The following WARS2 variants were observed in gnomAD, a reference collection of about 807,000 sequenced individuals.
WARS2 encodes tryptophan--tRNA ligase, mitochondrial.
In WARS2, 28 loss-of-function variants were observed where a neutral mutation model predicts 36.5. The observed-to-expected ratio is 0.77, with a 90% confidence interval of 0.57 to 1.05. The LOEUF is 1.05. Among genes scored for constraint, WARS2 ranks in the 50% least tolerant of loss-of-function variants. The pLI, the probability that WARS2 is intolerant of heterozygous loss-of-function variation, is 0.00. For missense variants in WARS2, 435 were observed against 456.8 expected, an observed-to-expected ratio of 0.95 and a Z score of 0.44; for synonymous variants, 174 against 178.4, an observed-to-expected ratio of 0.98 and a Z score of 0.20.
At chr1:119,114,061 C>T (rs1021867179) in intron 1 of WARS2, among the ~76,000 whole-genome samples, 3 of 152,092 alleles carry the variant, frequency 2.0e-5, no homozygotes, top group African/African-American at 7.2e-5. Context: ...TCAAAACAAA[C>T]CTATAACATA....
intron 2 of WARS2, among the ~76,000 whole-genome samples, chr1:119,047,070 G>T (rs1283406670): frequency 1.3e-5 from 2 of 152,124 alleles, no homozygotes; most frequent in Non-Finnish European, 2.9e-5. Flanking sequence ...CTTCCAAGAG[G>T]CATTTGGGTT....
intron 2 of WARS2, among the ~76,000 whole-genome samples, chr1:119,051,758 T>G (rs1649373361): frequency 7.2e-6 from 1 of 138,558 alleles, no homozygotes; most frequent in African/African-American, 2.8e-5. Flanking sequence ...GGTATCTCGC[T>G]GTAATTTTTT....
intron 1 of WARS2, among the ~76,000 whole-genome samples, chr1:119,078,405 G>C (rs1331125023): frequency 1.3e-5 from 2 of 152,046 alleles, no homozygotes; most frequent in Non-Finnish European, 2.9e-5. Context: ...ATCTTCAATT[G>C]TAGTACTTCA....
chr1:119,056,555 T>C (rs1649831895), intron 2 of WARS2, among the ~76,000 whole-genome samples: 1 of 148,138 alleles, frequency 6.8e-6, no homozygotes, highest in Non-Finnish European at 1.5e-5. Context: ...ATATACTAAA[T>C]ATATATATTA....
chr1:119,038,933 C>T (rs764781049), intron 4 of WARS2, among the ~76,000 whole-genome samples: 2 of 152,164 alleles, frequency 1.3e-5, no homozygotes, highest in Non-Finnish European at 2.9e-5. Flanking sequence ...CTGCCTGCCT[C>T]GGCCTCCCAA....
At chr1:119,120,274 C>A (rs781340163) in intron 1 of WARS2, among the ~76,000 whole-genome samples, 83 of 151,924 alleles carry the variant, frequency 5.5e-4, no homozygotes, top group Non-Finnish European at 8.4e-4. Flanking sequence ...ACTATGAACA[C>A]CTTTATGTGC....
chr1:119,042,237 T>G (rs370215087), intron 4 of WARS2, 27 bp downstream of exon 4: 273 of 1,609,172 alleles, frequency 1.7e-4, no homozygotes, highest in Admixed American at 3.3e-4. Flanking sequence ...TGAGTATGTA[T>G]AAGACTGGGC....
intron 1 of WARS2, among the ~76,000 whole-genome samples, chr1:119,103,931 TTC>T (rs1216549834): frequency 1.3e-5 from 2 of 150,634 alleles, no homozygotes; most frequent in Non-Finnish European, 3.0e-5. Flanking sequence ...ATATATTTTT[TTC>T]TTTTAATTAA....
intron 1 of WARS2, among the ~76,000 whole-genome samples, chr1:119,120,578 C>T (rs1224495090): frequency 6.6e-6 from 1 of 151,910 alleles, no homozygotes. Flanking sequence ...ATACCAAAAC[C>T]AGGAAAGGAC....
chr1:119,082,212 G>T, intron 1 of WARS2: 5 of 952,438 alleles, frequency 5.2e-6, no homozygotes, highest in Non-Finnish European at 6.2e-6. Flanking sequence ...AATATGTATT[G>T]TTAGTTCAGT....
chr1:119,056,068 G>A (rs1187739886), intron 2 of WARS2, among the ~76,000 whole-genome samples: 1 of 149,828 alleles, frequency 6.7e-6, no homozygotes, highest in Non-Finnish European at 1.5e-5. Context: ...GTCCAGGCTG[G>A]AGTGCAGTGG....
At chr1:119,118,046 A>C (rs1443863699) in intron 1 of WARS2, among the ~76,000 whole-genome samples, 2 of 152,208 alleles carry the variant, frequency 1.3e-5, no homozygotes, top group Non-Finnish European at 2.9e-5. Context: ...AAAAGATCAC[A>C]GTAGCTCTTC....
At chr1:119,130,090 T>G (rs1435364140) in intron 1 of WARS2, among the ~76,000 whole-genome samples, 1 of 151,784 alleles carries the variant, frequency 6.6e-6, no homozygotes, top group Non-Finnish European at 1.5e-5. Context: ...AGAGCAAAAG[T>G]GCTAGGCATG....
chr1:119,087,026 A>T (rs1056241784), intron 1 of WARS2, among the ~76,000 whole-genome samples: 5 of 152,028 alleles, frequency 3.3e-5, no homozygotes, highest in African/African-American at 1.2e-4. Flanking sequence ...TCTTCCTCCT[A>T]CCAAACACAC....
chr1:119,132,735 CTTTG>C (rs1012849478), intron 1 of WARS2, among the ~76,000 whole-genome samples: 6 of 152,110 alleles, frequency 3.9e-5, no homozygotes, highest in African/African-American at 1.4e-4. Context: ...ATGAGAAGCC[CTTTG>C]TTTGATGTAT....
At chr1:119,034,870 G>A (rs151265986) in intron 4 of WARS2, among the ~76,000 whole-genome samples, 16 of 152,162 alleles carry the variant, frequency 1.1e-4, no homozygotes, top group East Asian at 3.9e-4. Context: ...TGACATTTAC[G>A]TAAATTTTAC....
At chr1:119,050,376 T>A (rs1649241308) in intron 2 of WARS2, among the ~76,000 whole-genome samples, 1 of 152,200 alleles carries the variant, frequency 6.6e-6, no homozygotes, top group Non-Finnish European at 1.5e-5. Context: ...TTTTTCCATA[T>A]CACTCATCAC....
At chr1:119,066,270 G>A (rs1245277423) in intron 2 of WARS2, among the ~76,000 whole-genome samples, 7 of 152,042 alleles carry the variant, frequency 4.6e-5, no homozygotes, top group Admixed American at 3.3e-4. Context: ...AAGGTCAGGA[G>A]ATCGAGAACC....
intron 1 of WARS2, among the ~76,000 whole-genome samples, chr1:119,125,621 G>A (rs1174039016): frequency 1.3e-5 from 2 of 152,190 alleles, no homozygotes; most frequent in African/African-American, 4.8e-5. Context: ...CCACTGAACA[G>A]GGTCTTTTAA....
Sources: allele counts gnomAD v4.1 joint callset (sites outside exome capture counted in the v4.1 genomes callset), GRCh38; gene constraint gnomAD v4.1.1; transcripts MANE v1.5; gene names NCBI Gene and HGNC (gene_info 2026-07-23, HGNC 2026-07-21).